DYNC1H1: variants seen among roughly 807,000 people sequenced by gnomAD.
DYNC1H1 encodes dynein cytoplasmic 1 heavy chain 1.
Under a neutral mutation model 527.1 loss-of-function variants are expected in DYNC1H1, and 51 were observed. That is an observed-to-expected ratio of 0.10 (90% CI 0.08 to 0.12). DYNC1H1 has a LOEUF of 0.12. Ranked by LOEUF, DYNC1H1 falls within the 10% of genes least tolerant of loss-of-function variation. The pLI is 1.00. For missense variants in DYNC1H1, 2,771 were observed against 5,971.8 expected (o/e 0.46, Z 17.66); for synonymous variants, 2,189 against 2,278.8 (o/e 0.96, Z 1.12).
chr14:102,035,864 G>A (rs1361164158), intron 56 of DYNC1H1: 1 of 153,222 alleles, frequency 6.5e-6, no homozygotes, highest in Non-Finnish European at 1.5e-5. Flanking sequence ...AGGGCAGCAT[G>A]GTTCTTCTCA....
chr14:102,036,337 T>C lies in DYNC1H1; in HGVS notation c.10755-152T>C. ...ATGTTAGCATTAAGCATGTAAGCTT[T>C]ATTGGTAAACCTGAAAACGTCTCCG... On this transcript the variant is annotated intron_variant, in intron 56 of 77. Coordinates refer to ENST00000360184, the MANE Select transcript of DYNC1H1 (RefSeq NM_001376.5). The surrounding 1 kb of genome is among the most constrained non-coding windows in gnomAD (Gnocchi z 5.6). 1.1e-6 allele frequency: 1 copy of C among 916,090 alleles called. No individual in the cohort carries two copies. Among genetic ancestry groups the C allele is most frequent in the Non-Finnish European group, 1.7e-6 (1 of 574,802 alleles). 56.7% of individuals were successfully genotyped at this position (916,090 alleles called of 1,614,324 possible).
rs1264828379 is a variant in DYNC1H1, at chr14:102,039,369, T to C, written c.11461-43T>C. 6.2e-7 allele frequency: 1 copy of C among 1,613,662 alleles called. No individual in the cohort carries two copies. The highest frequency in any genetic ancestry group is 8.5e-7 in the Non-Finnish European group (1 of 1,180,010). ...TTGGCCACGCAGAAGTTCAGCGGGG[T>C]GCCGAGGGAGCTGCCTCACCGCTGC... On this transcript the variant is annotated intron_variant, in intron 60 of 77. Coordinates refer to ENST00000360184, the MANE Select transcript of DYNC1H1 (RefSeq NM_001376.5). The surrounding 1 kb of genome is among the most constrained non-coding windows in gnomAD (Gnocchi z 7.0).
At chr14:102,006,344 C>T (rs933877330) in intron 27 of DYNC1H1, among the ~76,000 whole-genome samples, 174 bp downstream of exon 27, 1 of 152,154 alleles carries the variant, frequency 6.6e-6, no homozygotes, top group Non-Finnish European at 1.5e-5. Flanking sequence ...AAGCCATTCT[C>T]CTGCCTCAGC....
intron 72 of DYNC1H1, among the ~76,000 whole-genome samples, chr14:102,047,297 C>T (rs1019851732): frequency 3.9e-5 from 6 of 152,114 alleles, no homozygotes; most frequent in South Asian, 4.1e-4. Flanking sequence ...CTTTGGGAGG[C>T]CAAGGCGAGC....
At chr14:102,000,252 C>G (rs1239837595) in intron 17 of DYNC1H1, 34 bp from the exon 18 acceptor site, 1 of 1,613,924 alleles carries the variant, frequency 6.2e-7, no homozygotes, top group Non-Finnish European at 8.5e-7. Flanking sequence ...ATTTCTATTT[C>G]CAAAGTCAAC....
Position 101,972,741 on chromosome 14 carries a change from A to AAG in DYNC1H1, c.257-2970_257-2969dup, listed in dbSNP as rs2047754084. ...GGGGTAGAAATGATTCAGAGTTAACAAGCCATATTTTTAGTTGCGTCAGTG... is the reference window on the plus strand; with the variant it reads ...GGGGTAGAAATGATTCAGAGTTAACAAGAGCCATATTTTTAGTTGCGTCAGTG... On this transcript the variant is annotated intron_variant, in intron 1 of 77. Transcript: ENST00000360184. Among the ~76,000 whole-genome samples the AAG allele has an allele frequency of 2.6e-5, 4 of 152,340 alleles. No homozygotes were observed. In the South Asian group the frequency reaches 8.3e-4, roughly 32 times the overall value.
Position 102,042,271 on chromosome 14 carries a change from C to T in DYNC1H1, c.12258C>T (p.Thr4086=), listed in dbSNP as rs141242095. 544 of 1,614,042 alleles carry T rather than the reference C, an allele frequency of 3.4e-4. 4 individuals are homozygous for T. Among genetic ancestry groups the T allele is most frequent in the African/African-American group, 1.4e-3 (103 of 75,006 alleles). Residue 4086 remains threonine (T), a synonymous_variant, in exon 67 of 78, where the codon ACC becomes ACT. Coordinates refer to ENST00000360184, the MANE Select transcript of DYNC1H1 (RefSeq NM_001376.5). This position sits in a 1 kb window ranked among gnomAD's most constrained non-coding sequence, Gnocchi z 5.7. ...GFNQADKAIN[T]AVKSGRWVML... is the part of the protein sequence containing the mutation. ...ACCAAGCAGATAAGGCAATAAACACCGCTGTAAAGTCGGGCAGGTAGGCCT... is the reference window on the plus strand; with the variant it reads ...ACCAAGCAGATAAGGCAATAAACACTGCTGTAAAGTCGGGCAGGTAGGCCT...
At position 102,020,092 on chromosome 14, in the gene DYNC1H1, C is replaced by T; in HGVS notation, c.8507+36C>T. On this transcript the variant is annotated intron_variant, in intron 42 of 77. Transcript: ENST00000360184. The surrounding 1 kb of genome is among the most constrained non-coding windows in gnomAD (Gnocchi z 4.3). ...CCGAGGATCCAGTTGGTCCCATTCT[C>T]CCCTGCTCTGAGTTCTTACAGCTGT... 6.2e-7 allele frequency: 1 copy of T among 1,611,430 alleles called. No homozygotes were observed. The highest frequency in any genetic ancestry group is 1.7e-5 in the Admixed American group (1 of 59,590).
At chr14:101,999,882 C>A (rs1170389808) in intron 16 of DYNC1H1, 107 bp from the exon 17 acceptor site, 11 of 1,515,002 alleles carry the variant, frequency 7.3e-6, no homozygotes, top group Non-Finnish European at 9.0e-6. Flanking sequence ...TGCAAAGAAT[C>A]CGAAACGTCC....
rs2048126850 is a variant in DYNC1H1 at position 102,001,237 on chromosome 14, T to C, written c.4278T>C (p.Val1426=). The change falls in exon 20 of 78, where the codon GTT becomes GTC. Residue 1426 remains valine (V), a synonymous_variant. Transcript: ENST00000360184. This position sits in a 1 kb window ranked among gnomAD's most constrained non-coding sequence, Gnocchi z 5.0. The stretch of plus-strand genomic sequence containing the variant: ...AAAGGCTTCACGTTAATTGGGTTGT[T>C]TCTGAGCTAACCCTTGGCCAAATCT... The part of the protein sequence containing the change: ...LMKRLHVNWV[V]SELTLGQIWD... The C allele has an allele frequency of 1.2e-6, 2 of 1,614,202 alleles. No individual in the cohort carries two copies. The highest frequency in any genetic ancestry group is 1.7e-6 in the Non-Finnish European group (2 of 1,180,038).
intron 43 of DYNC1H1, chr14:102,023,314 G>A (rs111646355): frequency 6.0e-6 from 2 of 331,144 alleles, no homozygotes; most frequent in Non-Finnish European, 1.2e-5. Context: ...ACTTTGGGAG[G>A]CTGAGGCGGT....
rs1045873672 is a variant in DYNC1H1, at chr14:102,002,174, G to C, written c.4543-363G>C. ...CACCCAGGCTGGAGTGCAATGGCAC[G>C]ATCTCGGCTCACTGCAACCTCTGCC... is the stretch of plus-strand genomic sequence containing the variant. On this transcript the variant is annotated intron_variant, in intron 21 of 77. Transcript: ENST00000360184. This position sits in a 1 kb window ranked among gnomAD's most constrained non-coding sequence, Gnocchi z 4.4. 6.6e-6 allele frequency among the ~76,000 whole-genome samples: 1 copy of C among 150,870 alleles called. No homozygotes were observed. Among genetic ancestry groups the C allele is most frequent in the Non-Finnish European group, 1.5e-5 (1 of 67,836 alleles).
At position 102,020,200 on chromosome 14, in the gene DYNC1H1, G is replaced by A; in HGVS notation, c.8507+144G>A. ...GGTGGAAGGAGCAGAGTCAGCCAGG[G>A]CAGCCTCCCGTCTGGACACTGGTCA... On this transcript the variant is annotated intron_variant, in intron 42 of 77. Coordinates refer to ENST00000360184, the MANE Select transcript of DYNC1H1 (RefSeq NM_001376.5). The surrounding 1 kb of genome is among the most constrained non-coding windows in gnomAD (Gnocchi z 4.3). 1 of 1,158,214 alleles carries A rather than the reference G, an allele frequency of 8.6e-7. No individual in the cohort carries two copies. The highest frequency in any genetic ancestry group is 1.2e-6 in the Non-Finnish European group (1 of 803,634). 71.7% of individuals were successfully genotyped at this position (1,158,214 alleles called of 1,614,324 possible).
At chr14:102,003,769 T>C (rs546744925) in intron 23 of DYNC1H1, among the ~76,000 whole-genome samples, 13 of 149,754 alleles carry the variant, frequency 8.7e-5, no homozygotes, top group African/African-American at 3.2e-4. Flanking sequence ...TCTACAAAAA[T>C]ACAAAAATTA....
chr14:102,029,330 AG>A lies in DYNC1H1; in HGVS notation c.9469-208del. ...GGTGTAATCACCATCCTCAGTTTAGAGAAGTTAAAGGGCTTAGAGAGGTTTG... is the reference window on the plus strand; with the variant it reads ...GGTGTAATCACCATCCTCAGTTTAGAAAGTTAAAGGGCTTAGAGAGGTTTG... On this transcript the variant is annotated intron_variant, in intron 48 of 77. Coordinates refer to ENST00000360184, the MANE Select transcript of DYNC1H1 (RefSeq NM_001376.5). This position sits in a 1 kb window ranked among gnomAD's most constrained non-coding sequence, Gnocchi z 5.3. 1.6e-6 allele frequency: 1 copy of A among 610,708 alleles called. No homozygotes were observed. Among genetic ancestry groups the A allele is most frequent in the East Asian group, 2.8e-5 (1 of 35,478 alleles). 37.8% of individuals were successfully genotyped at this position (610,708 alleles called of 1,614,324 possible).
In DYNC1H1 at chr14:102,051,213, A is replaced by G; in HGVS notation, c.*650A>G. On this transcript the variant is annotated 3_prime_UTR_variant, in exon 78 of 78. Transcript: ENST00000360184. ...CGAGGCTGCAGTGAGCTGTGATCTC[A>G]CCACTGCACTCCAGCCTGGGTGACA... 6.3e-6 allele frequency: 1 copy of G among 159,516 alleles called. No homozygotes were observed. Among genetic ancestry groups the G allele is most frequent in the Non-Finnish European group, 1.4e-5 (1 of 73,410 alleles). The allele number at this position is 159,516 out of a possible 1,614,324, so 9.9% of individuals were successfully genotyped here.
Position 102,056,396 on chromosome 14 carries a change from T to C in DYNC1H1, c.*5833T>C, listed in dbSNP as rs1437092405. On this transcript the variant is annotated 3_prime_UTR_variant, in exon 78 of 78. Transcript: ENST00000360184. ...CACTTGGGGAGCTGGGATTTTAAGA[T>C]GGTAACTTGCCGATGCTCCCAGCTG... The C allele has an allele frequency of 6.6e-6, 1 of 152,174 alleles. No homozygotes were observed. Among genetic ancestry groups the C allele is most frequent in the Non-Finnish European group, 1.5e-5 (1 of 68,040 alleles). 9.4% of individuals were successfully genotyped at this position (152,174 alleles called of 1,614,324 possible). A position where few individuals can be genotyped will look rare whatever the true frequency, so the allele number is the denominator to read the frequency against.
At position 102,050,932 on chromosome 14, in the gene DYNC1H1, A is replaced by C; in HGVS notation, c.*369A>C. 2.8e-6 allele frequency: 1 copy of C among 353,996 alleles called. No homozygotes were observed. Among genetic ancestry groups the C allele is most frequent in the Non-Finnish European group, 5.5e-6 (1 of 183,422 alleles). 21.9% of individuals were successfully genotyped at this position (353,996 alleles called of 1,614,324 possible). A position where few individuals can be genotyped will look rare whatever the true frequency, so the allele number is the denominator to read the frequency against. ...CATGAGCTCGCTCCCGAGCGGCCAC[A>C]GCACTCATGAATGAAGACCTTGGGG... On this transcript the variant is annotated 3_prime_UTR_variant, in exon 78 of 78. Coordinates refer to ENST00000360184, the MANE Select transcript of DYNC1H1 (RefSeq NM_001376.5).
Position 102,006,007 on chromosome 14 carries a change from T to C in DYNC1H1, c.5553T>C (p.Thr1851=), listed in dbSNP as rs1457801719. 2 of 1,614,252 alleles carry C rather than the reference T, an allele frequency of 1.2e-6. No homozygotes were observed. The highest frequency in any genetic ancestry group is 8.5e-7 in the Non-Finnish European group (1 of 1,180,040). ...GATTTTACTTTGACCCTAAGCAAAC[T>C]GATGTGTTACAGCAGTTGTCAATTC... is the stretch of plus-strand genomic sequence containing the variant. ...QMRFYFDPKQ[T]DVLQQLSIQM... The change falls in exon 27 of 78, where the codon ACT becomes ACC. Residue 1851 remains threonine, a synonymous_variant. Coordinates refer to ENST00000360184, the MANE Select transcript of DYNC1H1 (RefSeq NM_001376.5).
Sources: allele counts gnomAD v4.1 joint callset (sites outside exome capture counted in the v4.1 genomes callset), GRCh38; gene constraint gnomAD v4.1.1; non-coding constraint Gnocchi (gnomAD v3.1); transcripts MANE v1.5; gene names NCBI Gene and HGNC (gene_info 2026-07-23, HGNC 2026-07-21).